Variants in ABCA13 observed in about 807,000 individuals in gnomAD.
The protein encoded by ABCA13 is ATP-binding cassette sub-family A member 13.
Under a neutral mutation model 478.7 loss-of-function variants are expected in ABCA13, and 476 were observed. The observed-to-expected ratio is 0.99, with a 90% confidence interval of 0.92 to 1.07. The LOEUF (loss-of-function observed/expected upper bound fraction) is 1.07. Among genes scored for constraint, ABCA13 ranks in the 50% least tolerant of loss-of-function variants. ABCA13 has a pLI of 0.00. For missense variants in ABCA13, 6,060 were observed against 5,910.6 expected, an observed-to-expected ratio of 1.03 and a Z score of -0.83; for synonymous variants, 2,252 against 2,158.9, an observed-to-expected ratio of 1.04 and a Z score of -1.20.
rs760896976 is a variant in ABCA13, at chr7:48,367,805, A to G, written c.10700A>G (p.Asn3567Ser). 11 of 1,564,192 alleles carry G rather than the reference A, an allele frequency of 7.0e-6. No individual in the cohort carries two copies. The Admixed American group carries it at 1.1e-4, about 16-fold the overall frequency. Reference protein sequence around the residue: ...PCHTSDLFLNNVGFFFPLIMM... With the variant: ...PCHTSDLFLNSVGFFFPLIMM... Reference sequence around the variant, plus strand: ...TTATCCCCTTACAGATTCCTGAACAACGTTGGTTTCTTTTTTCCACTGATA... The same window carrying G: ...TTATCCCCTTACAGATTCCTGAACAGCGTTGGTTTCTTTTTTCCACTGATA... Residue 3567 changes from asparagine to serine, a missense_variant, in exon 32 of 62, where the codon AAC becomes AGC. Physicochemically the swap from Asn to Ser is conservative, Grantham distance 46 (BLOSUM62 1). This residue lies in a region of ABCA13 where 4,423 missense variants were observed against 4,309.1 expected (regional missense o/e 1.03). Coordinates refer to ENST00000435803, the MANE Select transcript of ABCA13 (RefSeq NM_152701.5).
intron 1 of ABCA13, among the ~76,000 whole-genome samples, chr7:48,178,987 AT>A (rs1184315371): frequency 1.4e-5 from 2 of 144,734 alleles, no homozygotes; most frequent in African/African-American, 2.5e-5. Context: ...AATAATAATA[AT>A]AATAATAATA....
At chr7:48,296,618 C>T (rs1463727408) in intron 21 of ABCA13, among the ~76,000 whole-genome samples, 1 of 151,912 alleles carries the variant, frequency 6.6e-6, no homozygotes, top group Non-Finnish European at 1.5e-5. Context: ...CGCCACCATG[C>T]CCGGCTAATT....
rs1285047485 is a variant in ABCA13 at position 48,537,215 on chromosome 7, T to A, written c.14354+8870T>A. 2.6e-5 allele frequency among the ~76,000 whole-genome samples: 4 copies of A among 152,234 alleles called. No individual in the cohort carries two copies. In the East Asian group the frequency reaches 7.7e-4, roughly 29 times the overall value. ...CCATGCTTTTCTCAATCTAGTTTTG[T>A]TGTTTTATTTCTAACTTTTTGATTT... On this transcript the variant is annotated intron_variant, in intron 55 of 61. Coordinates refer to ENST00000435803, the MANE Select transcript of ABCA13 (RefSeq NM_152701.5).
intron 35 of ABCA13, among the ~76,000 whole-genome samples, chr7:48,386,051 A>G (rs1433390241): frequency 2.0e-5 from 3 of 152,170 alleles, no homozygotes; most frequent in Non-Finnish European, 2.9e-5. Flanking sequence ...GATGCTGGAT[A>G]CTAGACCTTT....
intron 1 of ABCA13, among the ~76,000 whole-genome samples, chr7:48,182,370 A>C (rs1329180581): frequency 1.3e-5 from 2 of 152,156 alleles, no homozygotes; most frequent in African/African-American, 4.8e-5. Context: ...TCAAATGAGA[A>C]TCTTTGGGTT....
intron 42 of ABCA13, among the ~76,000 whole-genome samples, chr7:48,452,474 T>G (rs2129185701): frequency 6.6e-6 from 1 of 152,356 alleles, no homozygotes; most frequent in South Asian, 2.1e-4. Context: ...GAGTCTACTC[T>G]ATTCCTTTTC....
intron 58 of ABCA13, among the ~76,000 whole-genome samples, chr7:48,599,267 T>A (rs180823059): frequency 1.1e-4 from 17 of 152,198 alleles, no homozygotes; most frequent in African/African-American, 4.1e-4. Context: ...TTTTCTGTTA[T>A]TCATCTCTGA....
At chr7:48,566,561 T>C (rs185168976) in intron 55 of ABCA13, among the ~76,000 whole-genome samples, 1 of 152,294 alleles carries the variant, frequency 6.6e-6, no homozygotes, top group African/African-American at 2.4e-5. Context: ...TCTAGGTCAG[T>C]CAGAATGAGC....
Position 48,233,616 on chromosome 7 carries a change from C to T in ABCA13, c.764-402C>T, listed in dbSNP as rs1036876810. On this transcript the variant is annotated intron_variant, in intron 7 of 61. Coordinates refer to ENST00000435803, the MANE Select transcript of ABCA13 (RefSeq NM_152701.5). ...ATTTATCCTTTCCCTGGATACTAGA[C>T]ACTTAACTGGTTTTCAATATTTTAT... Among the ~76,000 whole-genome samples, 10 of 152,198 alleles carry T rather than the reference C, an allele frequency of 6.6e-5. No homozygotes were observed. In the South Asian group the frequency reaches 8.3e-4, roughly 13 times the overall value.
intron 28 of ABCA13, among the ~76,000 whole-genome samples, chr7:48,336,752 C>T (rs947767163): frequency 6.6e-6 from 1 of 152,190 alleles, no homozygotes; most frequent in African/African-American, 2.4e-5. Context: ...ATTCTCACAG[C>T]GACCATGGCC....
chr7:48,479,430 G>T (rs928298458), intron 45 of ABCA13, among the ~76,000 whole-genome samples: 1 of 152,000 alleles, frequency 6.6e-6, no homozygotes, highest in South Asian at 2.1e-4. Context: ...TAGAGATGGG[G>T]TTTCATCATG....
chr7:48,318,058 A>G (rs1802846340), intron 27 of ABCA13, among the ~76,000 whole-genome samples: 2 of 152,220 alleles, frequency 1.3e-5, no homozygotes, highest in South Asian at 4.1e-4. Context: ...AACACAGAAG[A>G]GAAGATACCT....
At chr7:48,478,948 C>CTT (rs71227263) in intron 45 of ABCA13, among the ~76,000 whole-genome samples, 21 of 134,562 alleles carry the variant, frequency 1.6e-4, no homozygotes, top group Admixed American at 5.3e-4. Flanking sequence ...AAAATCTACT[C>CTT]TTTTTTTTTT....
At chr7:48,605,471 T>A (rs1791373274) in intron 58 of ABCA13, among the ~76,000 whole-genome samples, 1 of 151,070 alleles carries the variant, frequency 6.6e-6, no homozygotes, top group Non-Finnish European at 1.5e-5. Context: ...AGGATTTGCT[T>A]GTCTGTAAAG....
At chr7:48,582,141 A>G (rs780133467) in intron 56 of ABCA13, among the ~76,000 whole-genome samples, 18 of 152,184 alleles carry the variant, frequency 1.2e-4, no homozygotes, top group South Asian at 2.1e-4. Context: ...GAGACACCAG[A>G]GAAATTAGGC....
intron 33 of ABCA13, among the ~76,000 whole-genome samples, chr7:48,373,502 T>C (rs1290692159): frequency 6.6e-6 from 1 of 152,224 alleles, no homozygotes; most frequent in Non-Finnish European, 1.5e-5. Flanking sequence ...AATGAAAAAG[T>C]GGTTATATTC....
At chr7:48,254,442 TA>T (rs1238093035) in intron 15 of ABCA13, among the ~76,000 whole-genome samples, 6 of 152,140 alleles carry the variant, frequency 3.9e-5, no homozygotes, top group Non-Finnish European at 5.9e-5. Flanking sequence ...TTTTTTATTT[TA>T]TTTTTTTGTT....
rs1418587880 is a variant in ABCA13, at chr7:48,352,491, A to T, written c.10688+4A>T. ...ACCCCTGCCATACCAGCGACCTGTG[A>T]GTAGCCTGGGGCAGGAGCCACCGAC... is the stretch of plus-strand genomic sequence containing the variant. On this transcript the variant is annotated splice_donor_region_variant and intron_variant, in intron 31 of 61. Coordinates refer to ENST00000435803, the MANE Select transcript of ABCA13 (RefSeq NM_152701.5). 3 of 1,594,772 alleles carry T rather than the reference A, an allele frequency of 1.9e-6. No homozygotes were observed. The South Asian group carries it at 3.4e-5, about 18-fold the overall frequency.
intron 1 of ABCA13, among the ~76,000 whole-genome samples, chr7:48,187,096 A>C (rs1488157787): frequency 6.7e-6 from 1 of 150,218 alleles, no homozygotes; most frequent in African/African-American, 2.4e-5. Context: ...ATATATATAC[A>C]TATATATTTG....
Sources: allele counts gnomAD v4.1 joint callset (sites outside exome capture counted in the v4.1 genomes callset), GRCh38; gene constraint gnomAD v4.1.1; regional missense constraint gnomAD v4.1.1; transcripts MANE v1.5; gene names NCBI Gene and HGNC (gene_info 2026-07-23, HGNC 2026-07-21).